The following IQGAP2 variants were observed in gnomAD, a reference collection of about 807,000 sequenced individuals.
The protein encoded by IQGAP2 is IQ motif containing GTPase activating protein 2.
Under a neutral mutation model 201.3 loss-of-function variants are expected in IQGAP2, and 173 were observed. The ratio of observed to expected loss-of-function variants is 0.86; its 90% CI spans 0.76 to 0.98. The LOEUF is 0.98. IQGAP2 is among the 50% of genes least tolerant of loss of function. The pLI is 0.00. For missense variants in IQGAP2, 1,687 were observed against 1,864.8 expected, an observed-to-expected ratio of 0.90 and a Z score of 1.76; for synonymous variants, 675 against 673.9, an observed-to-expected ratio of 1.00 and a Z score of -0.03.
intron 1 of IQGAP2, among the ~76,000 whole-genome samples, chr5:76,439,105 T>C (rs1752883998): frequency 6.6e-6 from 1 of 151,494 alleles, no homozygotes; most frequent in African/African-American, 2.5e-5. Context: ...CTTGATTTCA[T>C]TGTTAACCTA....
chr5:76,572,484 G>A (rs1376131778), intron 4 of IQGAP2, among the ~76,000 whole-genome samples: 1 of 151,320 alleles, frequency 6.6e-6, no homozygotes, highest in Admixed American at 6.6e-5. Flanking sequence ...TTCTTATCAG[G>A]CTGTTAGTTT....
chr5:76,455,418 A>T (rs1754016548), intron 1 of IQGAP2, among the ~76,000 whole-genome samples: 1 of 145,216 alleles, frequency 6.9e-6, no homozygotes, highest in African/African-American at 2.6e-5. Flanking sequence ...GTACTACTGC[A>T]CTCCAGCCTG....
intron 4 of IQGAP2, among the ~76,000 whole-genome samples, chr5:76,575,333 C>T (rs930164161): frequency 6.6e-6 from 1 of 152,154 alleles, no homozygotes; most frequent in Non-Finnish European, 1.5e-5. Flanking sequence ...CCTTCTCAGG[C>T]CCATGGGACC....
At chr5:76,658,758 A>C in intron 21 of IQGAP2, 91 bp downstream of exon 21, 4 of 1,068,696 alleles carry the variant, frequency 3.7e-6, no homozygotes, top group Non-Finnish European at 5.7e-6. Flanking sequence ...ATACATTCTC[A>C]GAAATGTAGC....
chr5:76,441,611 C>A, intron 1 of IQGAP2: 1 of 674,656 alleles, frequency 1.5e-6, no homozygotes, highest in Non-Finnish European at 1.8e-6. Flanking sequence ...ATTTTCACTT[C>A]TGGTTCTGTT....
At chr5:76,621,606 A>C (rs1333652614) in intron 13 of IQGAP2, among the ~76,000 whole-genome samples, 1 of 152,206 alleles carries the variant, frequency 6.6e-6, no homozygotes, top group East Asian at 1.9e-4. Flanking sequence ...GTTTTCAGAA[A>C]GTTTCTGGGA....
intron 10 of IQGAP2, among the ~76,000 whole-genome samples, chr5:76,600,440 A>T (rs1747350991): frequency 6.6e-6 from 1 of 152,230 alleles, no homozygotes. Flanking sequence ...TAGCTGTGCT[A>T]AAATGTTACC....
At chr5:76,441,520 A>G (rs1753033256) in intron 1 of IQGAP2, 1 of 985,262 alleles carries the variant, frequency 1.0e-6, no homozygotes, top group African/African-American at 1.7e-5. Flanking sequence ...CATGTTGGTA[A>G]GAGAAGGTAC....
chr5:76,620,651 G>A (rs748935360), intron 13 of IQGAP2, among the ~76,000 whole-genome samples: 3 of 152,150 alleles, frequency 2.0e-5, no homozygotes, highest in Non-Finnish European at 4.4e-5. Context: ...CTGCATGGAG[G>A]CTCTCGTTTA....
At chr5:76,619,770 G>T (rs557284321) in intron 13 of IQGAP2, among the ~76,000 whole-genome samples, 62 of 152,034 alleles carry the variant, frequency 4.1e-4, no homozygotes, top group Non-Finnish European at 5.0e-4. Context: ...TGCCCGCCTC[G>T]GCCACCCAAA....
intron 2 of IQGAP2, among the ~76,000 whole-genome samples, chr5:76,562,128 C>G (rs1379688439): frequency 6.6e-6 from 1 of 152,186 alleles, no homozygotes; most frequent in Non-Finnish European, 1.5e-5. Flanking sequence ...ACAAAAGAGA[C>G]TTGGCAGAGG....
At chr5:76,647,798 G>C (rs1181663931) in intron 17 of IQGAP2, among the ~76,000 whole-genome samples, 11 of 150,408 alleles carry the variant, frequency 7.3e-5, no homozygotes, top group Admixed American at 5.3e-4. Flanking sequence ...ATTTCAGACA[G>C]TAACTGCTCT....
At position 76,589,834 on chromosome 5, in the gene IQGAP2, A is replaced by G. The variant is rs74804398; in HGVS notation, c.640+106A>G. On this transcript the variant is annotated intron_variant, in intron 7 of 35. Transcript: ENST00000274364. ...AGAATATTTAGAAGATACTTTAAGC[A>G]CCCTAAAAGTTTTTATTATTTGTTT... 1.8e-3 allele frequency: 976 copies of G among 531,954 alleles called. 16 individuals are homozygous for G. The East Asian group carries it at 0.031, about 17-fold the overall frequency. 33.0% of individuals were successfully genotyped at this position (531,954 alleles called of 1,614,324 possible). A position where few individuals can be genotyped will look rare whatever the true frequency, so the allele number is the denominator to read the frequency against.
chr5:76,510,983 C>T (rs1161497146), intron 2 of IQGAP2, among the ~76,000 whole-genome samples: 1 of 152,230 alleles, frequency 6.6e-6, no homozygotes, highest in Non-Finnish European at 1.5e-5. Context: ...ACAGTTGGAT[C>T]ATGGCCTTAC....
At position 76,453,159 on chromosome 5, in the gene IQGAP2, C is replaced by T. The variant is rs187029712; in HGVS notation, c.47-8411C>T. Among the ~76,000 whole-genome samples, 700 of 152,236 alleles carry T rather than the reference C, an allele frequency of 4.6e-3. 4 individuals are homozygous for T. The highest frequency in any genetic ancestry group is 0.014 in the Middle Eastern group (4 of 294). On this transcript the variant is annotated intron_variant, in intron 1 of 35. Coordinates refer to ENST00000274364, the MANE Select transcript of IQGAP2 (RefSeq NM_006633.5). ...TTGAACTCCTGACCTCATGATCCACCCGCCTCGGCCTTCCAAAGTGCTGGG... is the reference window on the plus strand; with the variant it reads ...TTGAACTCCTGACCTCATGATCCACTCGCCTCGGCCTTCCAAAGTGCTGGG...
chr5:76,448,907 G>T (rs750445453), intron 1 of IQGAP2, among the ~76,000 whole-genome samples: 1 of 152,166 alleles, frequency 6.6e-6, no homozygotes, highest in Non-Finnish European at 1.5e-5. Context: ...GGTGTTCCAA[G>T]TCAGCCACCT....
intron 2 of IQGAP2, among the ~76,000 whole-genome samples, chr5:76,482,528 T>C (rs1755850996): frequency 6.6e-6 from 1 of 152,098 alleles, no homozygotes; most frequent in Admixed American, 6.5e-5. Context: ...GGATAGTACA[T>C]ACAGAAGGAA....
At chr5:76,451,321 A>G (rs955364593) in intron 1 of IQGAP2, among the ~76,000 whole-genome samples, 1 of 151,848 alleles carries the variant, frequency 6.6e-6, no homozygotes, top group African/African-American at 2.4e-5. Context: ...AAGCATCACC[A>G]TGTTTTTCTT....
intron 2 of IQGAP2, among the ~76,000 whole-genome samples, chr5:76,496,701 TC>T (rs1756912657): frequency 2.5e-5 from 1 of 39,352 alleles, no homozygotes; most frequent in African/African-American, 1.3e-4. Flanking sequence ...TTTCTTTCTG[TC>T]TCTTTCTTTC....
Sources: allele counts gnomAD v4.1 joint callset (sites outside exome capture counted in the v4.1 genomes callset), GRCh38; gene constraint gnomAD v4.1.1; transcripts MANE v1.5; gene names NCBI Gene and HGNC (gene_info 2026-07-23, HGNC 2026-07-21).